Variants in PCBP2 observed in about 807,000 individuals in gnomAD.
PCBP2 encodes poly(rC)-binding protein 2.
A neutral mutation model predicts 50.1 loss-of-function variants in PCBP2; 4 were observed. That is an observed-to-expected ratio of 0.08 (90% CI 0.04 to 0.18). The LOEUF (loss-of-function observed/expected upper bound fraction) is 0.18. Among genes scored for constraint, PCBP2 ranks in the 10% least tolerant of loss-of-function variants. The probability of loss-of-function intolerance (pLI) is 1.00; values close to 1 mark genes in which losing one functional copy is unlikely to be tolerated. For missense variants in PCBP2, 161 were observed against 474.3 expected, an observed-to-expected ratio of 0.34 and a Z score of 6.14; for synonymous variants, 179 against 168.0, an observed-to-expected ratio of 1.07 and a Z score of -0.51.
At chr12:53,459,444 T>C (rs1288259740) in intron 6 of PCBP2, 41 bp downstream of exon 6, 3 of 1,575,294 alleles carry the variant, frequency 1.9e-6, no homozygotes, top group South Asian at 2.3e-5. Context: ...GTTAACTATT[T>C]GTTCCAAATT....
chr12:53,452,646 G>C (rs530172820), intron 1 of PCBP2, among the ~76,000 whole-genome samples: 16 of 151,850 alleles, frequency 1.1e-4, no homozygotes, highest in Admixed American at 3.3e-4. Flanking sequence ...CGCGCGGTAG[G>C]GGGGGCGGCG....
chr12:53,470,517 A>G (rs1481619457), intron 13 of PCBP2, among the ~76,000 whole-genome samples: 1 of 150,624 alleles, frequency 6.6e-6, no homozygotes, highest in African/African-American at 2.4e-5. Context: ...AGATCCTCCC[A>G]TCTCAGCCTC....
intron 13 of PCBP2, among the ~76,000 whole-genome samples, chr12:53,470,378 C>CAAAAAAAAAAA (rs754350790): frequency 4.2e-5 from 2 of 47,362 alleles, no homozygotes; most frequent in African/African-American, 2.0e-4. Flanking sequence ...CTCCGTCTCT[C>CAAAAAAAAAAA]AAAAAAAAAA....
intron 13 of PCBP2, among the ~76,000 whole-genome samples, chr12:53,469,312 T>G (rs2137086319): frequency 1.3e-5 from 2 of 152,320 alleles, no homozygotes. Flanking sequence ...TGGGAATTTT[T>G]AGACACAAAA....
chr12:53,457,079 G>T (rs1941083408), intron 5 of PCBP2, among the ~76,000 whole-genome samples: 1 of 151,936 alleles, frequency 6.6e-6, no homozygotes, highest in African/African-American at 2.4e-5. Context: ...TTGAGGCAGG[G>T]TTGTGCTCTG....
chr12:53,454,830 A>G lies in PCBP2; in HGVS notation c.30A>G (p.Leu10=). ...ACACCGGTGTGATTGAAGGTGGATT[A>G]AATGTCACTCTCACCATCCGGCTAC... MDTGVIEGG[L]NVTLTIRLLM... The change falls in exon 2 of 15, where the codon TTA becomes TTG. Residue 10 remains leucine (L), a synonymous_variant. Coordinates refer to ENST00000546463, the MANE Select transcript of PCBP2 (RefSeq NM_031989.5). 6.2e-7 allele frequency: 1 copy of G among 1,614,178 alleles called. No homozygotes were observed. Among genetic ancestry groups the G allele is most frequent in the Non-Finnish European group, 8.5e-7 (1 of 1,180,010 alleles).
chr12:53,471,613 G>C, intron 13 of PCBP2, 25 bp from the exon 14 acceptor site: 1 of 1,597,364 alleles, frequency 6.3e-7, no homozygotes, highest in Non-Finnish European at 8.5e-7. Context: ...AATTCGGTGT[G>C]CCTTGTTTTT....
chr12:53,477,320 C>T (rs1284676554), intron 14 of PCBP2, among the ~76,000 whole-genome samples: 1 of 152,114 alleles, frequency 6.6e-6, no homozygotes, highest in Non-Finnish European at 1.5e-5. Flanking sequence ...GTTTACCTTT[C>T]CTTAGATCAT....
chr12:53,453,672 C>T (rs1352615175), intron 1 of PCBP2, among the ~76,000 whole-genome samples: 1 of 152,132 alleles, frequency 6.6e-6, no homozygotes, highest in Non-Finnish European at 1.5e-5. Context: ...AGGATGGATA[C>T]TTAAAATGTC....
intron 7 of PCBP2, among the ~76,000 whole-genome samples, chr12:53,461,874 A>T (rs1208948409): frequency 1.3e-5 from 2 of 151,716 alleles, no homozygotes; most frequent in Non-Finnish European, 2.9e-5. Flanking sequence ...CACCTGGCTA[A>T]TTTTTTTTAT....
intron 14 of PCBP2, among the ~76,000 whole-genome samples, chr12:53,472,456 C>A (rs577300398): frequency 6.6e-6 from 1 of 152,312 alleles, no homozygotes; most frequent in Admixed American, 6.5e-5. Context: ...TTACTACTCT[C>A]AATTTTAGGA....
chr12:53,452,419 A>G (rs372968240), intron 1 of PCBP2, 43 bp downstream of exon 1: 32 of 148,874 alleles, frequency 2.1e-4, no homozygotes, highest in Middle Eastern at 3.4e-3. Context: ...TATGGCTACA[A>G]TTTCCACTTT....
At chr12:53,464,585 C>A in intron 8 of PCBP2, 175 bp from the exon 9 acceptor site, 2 of 802,682 alleles carry the variant, frequency 2.5e-6, no homozygotes, top group Non-Finnish European at 3.8e-6. Flanking sequence ...TGAAATCTGC[C>A]ACTAGGTAAC....
intron 4 of PCBP2, 96 bp downstream of exon 4, chr12:53,455,589 A>G: frequency 8.0e-7 from 1 of 1,254,356 alleles, no homozygotes; most frequent in Middle Eastern, 1.9e-4. Flanking sequence ...GGTCTCAATA[A>G]GGGAAATATG....
intron 6 of PCBP2, chr12:53,459,756 A>G (rs1033742410): frequency 3.2e-6 from 1 of 314,262 alleles, no homozygotes; most frequent in African/African-American, 2.2e-5. Flanking sequence ...TTAATTTTTA[A>G]CTTTTTTTCT....
At chr12:53,467,874 A>G (rs1254133758) in intron 12 of PCBP2, 31 bp downstream of exon 12, 3 of 1,493,702 alleles carry the variant, frequency 2.0e-6, no homozygotes, top group Admixed American at 1.7e-5. Flanking sequence ...AATCTGTAGT[A>G]TTCTACTGTT....
chr12:53,454,872 A>G lies in PCBP2; in HGVS notation c.69+3A>G, dbSNP rs752243343. The G allele has an allele frequency of 2.5e-6, 4 of 1,613,432 alleles. No individual in the cohort carries two copies. The highest frequency in any genetic ancestry group is 1.7e-5 in the Admixed American group (1 of 60,018). On this transcript the variant is annotated splice_donor_region_variant and intron_variant, in intron 2 of 14. Transcript: ENST00000546463. ...TCCGGCTACTTATGCATGGAAAGGT[A>G]TGCTCTAGCTTGGGAAATGGGGTCA...
intron 8 of PCBP2, chr12:53,464,419 AT>A (rs1160555161): frequency 4.2e-6 from 1 of 237,888 alleles, no homozygotes; most frequent in Non-Finnish European, 8.0e-6. Flanking sequence ...GCCTTTTTAA[AT>A]ATACAATGTC....
At chr12:53,467,941 T>C in intron 12 of PCBP2, 98 bp downstream of exon 12, 2 of 961,366 alleles carry the variant, frequency 2.1e-6, no homozygotes, top group Non-Finnish European at 3.3e-6. Context: ...ACCAGCAACA[T>C]GCACATGGCA....
Sources: allele counts gnomAD v4.1 joint callset (sites outside exome capture counted in the v4.1 genomes callset), GRCh38; gene constraint gnomAD v4.1.1; transcripts MANE v1.5; gene names NCBI Gene and HGNC (gene_info 2026-07-23, HGNC 2026-07-21).